The following POTED variants were observed in gnomAD, a reference collection of about 807,000 sequenced individuals.
The protein encoded by POTED is POTE ankyrin domain family member D, also known as ANKRD26-like family B member 3.
POTED carries 7 observed loss-of-function variants against 19.0 expected under a neutral mutation model. The observed-to-expected ratio is 0.37, with a 90% CI of 0.21 to 0.69. POTED has a LOEUF of 0.69. Ranked by LOEUF, POTED falls within the 30% of genes least tolerant of loss-of-function variation. The probability of loss-of-function intolerance (pLI) is 0.56; values close to 1 mark genes in which losing one functional copy is unlikely to be tolerated. For synonymous variants in POTED, 16 were observed against 92.0 expected, an observed-to-expected ratio of 0.17 and a Z score of 4.73; for missense variants, 54 against 278.5, an observed-to-expected ratio of 0.19 and a Z score of 5.74.
rs1360902744 is a variant in POTED at position 13,636,735 on chromosome 21, G to A, written c.1410-2780G>A. Among the ~76,000 whole-genome samples, 32 of 68,742 alleles carry A rather than the reference G, an allele frequency of 4.7e-4. 10 individuals are homozygous for A. In the South Asian group the frequency reaches 0.014, roughly 29 times the overall value. The allele number at this position is 68,742 out of a possible 152,430, so 45.1% of individuals were successfully genotyped here. ...AAATTGTAATTCCCAGGTGTTGAGA[G>A]AAAGACCAGCTGGGAGGTATTGGAT... On this transcript the variant is annotated intron_variant, in intron 9 of 10. Coordinates refer to ENST00000299443, the MANE Select transcript of POTED (RefSeq NM_174981.6).
At chr21:13,639,831 A>T (rs2011258212) in intron 10 of POTED, among the ~76,000 whole-genome samples, 193 bp downstream of exon 10, 1 of 72,808 alleles carries the variant, frequency 1.4e-5, no homozygotes, top group Non-Finnish European at 2.4e-5. Flanking sequence ...ATATTTATAT[A>T]TGTACATATA....
In POTED at chr21:13,631,460, TCGAGA is replaced by T. The variant is rs1446891996; in HGVS notation, c.1409+354_1409+358del. ...ATCAGCCACATAATAAGCAAAATACTCGAGAGGTAGTTTTTTGGTCATCTCCCTCC... is the reference window on the plus strand; with the variant it reads ...ATCAGCCACATAATAAGCAAAATACTGGTAGTTTTTTGGTCATCTCCCTCC... On this transcript the variant is annotated intron_variant, in intron 9 of 10. Transcript: ENST00000299443. 3.8e-5 allele frequency among the ~76,000 whole-genome samples: 3 copies of T among 78,690 alleles called. 1 individual carries two copies. The highest frequency in any genetic ancestry group is 6.7e-5 in the Non-Finnish European group (3 of 45,066). 51.6% of individuals were successfully genotyped at this position (78,690 alleles called of 152,430 possible). A position where few individuals can be genotyped will look rare whatever the true frequency, so the allele number is the denominator to read the frequency against.
At chr21:13,617,794 TTATC>T (rs892944025) in intron 3 of POTED, among the ~76,000 whole-genome samples, 1 of 17,250 alleles carries the variant, frequency 5.8e-5, no homozygotes, top group Non-Finnish European at 9.1e-5. Flanking sequence ...TATGAACTGA[TTATC>T]TATCTAGTTA....
chr21:13,645,328 T>TA lies in POTED; in HGVS notation c.*3765dup, dbSNP rs1226643873. ...GAGGTCAAAATAAAAGAAAAAATGT[T>TA]AAAGGCAGCTAGGGAGAAAGGCAAC... On this transcript the variant is annotated 3_prime_UTR_variant, in exon 11 of 11. Transcript: ENST00000299443. 7.6e-6 allele frequency among the ~76,000 whole-genome samples: 1 copy of TA among 132,400 alleles called. No homozygotes were observed. The highest frequency in any genetic ancestry group is 1.6e-5 in the Non-Finnish European group (1 of 61,430). The allele number at this position is 132,400 out of a possible 152,430, so 86.9% of individuals were successfully genotyped here. A position where few individuals can be genotyped will look rare whatever the true frequency, so the allele number is the denominator to read the frequency against.
intron 1 of POTED, among the ~76,000 whole-genome samples, chr21:13,614,184 A>C (rs1338374961): frequency 9.3e-6 from 1 of 107,676 alleles, no homozygotes; most frequent in Non-Finnish European, 1.9e-5. Flanking sequence ...TCTGATGTAC[A>C]TACATTGTAT....
chr21:13,640,688 T>TA (rs2011266009), intron 10 of POTED, among the ~76,000 whole-genome samples: 1 of 43,874 alleles, frequency 2.3e-5, no homozygotes, highest in African/African-American at 2.3e-4. Context: ...GTGCTGGGAT[T>TA]ACAGGTGTGA....
At position 13,643,299 on chromosome 21, in the gene POTED, C is replaced by T. The variant is rs4555432; in HGVS notation, c.*1733C>T. Reference sequence around the variant, plus strand: ...GCAGCAAGTCAGCTGATGTGGAGCCCGGAGGGCAGGGACAGCTATGTCTCT... The same window carrying T: ...GCAGCAAGTCAGCTGATGTGGAGCCTGGAGGGCAGGGACAGCTATGTCTCT... On this transcript the variant is annotated 3_prime_UTR_variant, in exon 11 of 11. Transcript: ENST00000299443. Among the ~76,000 whole-genome samples, 1 of 45,764 alleles carries T rather than the reference C, an allele frequency of 2.2e-5. No individual in the cohort carries two copies. Among genetic ancestry groups the T allele is most frequent in the East Asian group, 1.6e-3 (1 of 616 alleles). 30.0% of individuals were successfully genotyped at this position (45,764 alleles called of 152,430 possible).
chr21:13,637,741 C>T lies in POTED; in HGVS notation c.1410-1774C>T, dbSNP rs550446089. Among the ~76,000 whole-genome samples, 3 of 74,916 alleles carry T rather than the reference C, an allele frequency of 4.0e-5. 1 individual carries two copies. Among genetic ancestry groups the T allele is most frequent in the Admixed American group, 3.5e-4 (3 of 8,684 alleles). 49.1% of individuals were successfully genotyped at this position (74,916 alleles called of 152,430 possible). ...ATGTCTTCAGGTCTTAGGTTTAGGC[C>T]ATTAATCCATCTTGAATTAATTTTT... is the stretch of plus-strand genomic sequence containing the variant. On this transcript the variant is annotated intron_variant, in intron 9 of 10. Coordinates refer to ENST00000299443, the MANE Select transcript of POTED (RefSeq NM_174981.6).
rs372760414 is a variant in POTED, at chr21:13,645,391, C to T, written c.*3825C>T. On this transcript the variant is annotated 3_prime_UTR_variant, in exon 11 of 11. Coordinates refer to ENST00000299443, the MANE Select transcript of POTED (RefSeq NM_174981.6). ...GGGAATTCCATCAGATTTAGCAGACCTCTCAACTGAAACTGTACAAGCCAG... is the reference window on the plus strand; with the variant it reads ...GGGAATTCCATCAGATTTAGCAGACTTCTCAACTGAAACTGTACAAGCCAG... 0.013 allele frequency among the ~76,000 whole-genome samples: 1,739 copies of T among 130,676 alleles called. 221 individuals carry two copies. Among genetic ancestry groups the T allele is most frequent in the African/African-American group, 0.051 (1,623 of 31,530 alleles). 85.7% of individuals were successfully genotyped at this position (130,676 alleles called of 152,430 possible).
At chr21:13,636,983 C>A (rs2011238189) in intron 9 of POTED, among the ~76,000 whole-genome samples, 1 of 15,738 alleles carries the variant, frequency 6.4e-5, no homozygotes, top group Non-Finnish European at 1.0e-4. Context: ...ATGAATTACC[C>A]AGTCTCAGGT....
intron 9 of POTED, among the ~76,000 whole-genome samples, chr21:13,637,004 A>ATATATAT (rs1481200854): frequency 6.1e-5 from 1 of 16,470 alleles, no homozygotes; most frequent in Non-Finnish European, 9.7e-5. Flanking sequence ...ATATATATAT[A>ATATATAT]TTTTTTTTTT....
intron 1 of POTED, among the ~76,000 whole-genome samples, chr21:13,611,160 G>T (rs866015127): frequency 3.8e-5 from 3 of 78,704 alleles, no homozygotes; most frequent in South Asian, 3.6e-4. Context: ...ATTTTATATC[G>T]ATGTACCCCT....
chr21:13,610,607 G>A lies in POTED; in HGVS notation c.379G>A (p.Ala127Thr), dbSNP rs762265878. 3.5e-5 allele frequency: 38 copies of A among 1,076,524 alleles called. 13 individuals carry two copies. The highest frequency in any genetic ancestry group is 1.0e-4 in the African/African-American group (2 of 19,730). 66.7% of individuals were successfully genotyped at this position (1,076,524 alleles called of 1,614,324 possible). ...VGAWGDYDHS[A>T]FMEPRYHIRR... ...CGCTTGGGGAGACTACGACCACAGC[G>A]CCTTCATGGAGCCGAGGTACCACAT... Residue 127 changes from alanine to threonine, a missense_variant, in exon 1 of 11, where the codon GCC becomes ACC. Physicochemically the swap from Ala to Thr is moderately conservative, Grantham distance 58 (BLOSUM62 0). This residue lies in a region of POTED where 38 missense variants were observed against 163.8 expected (regional missense o/e 0.23). Coordinates refer to ENST00000299443, the MANE Select transcript of POTED (RefSeq NM_174981.6).
At position 13,639,750 on chromosome 21, in the gene POTED, G is replaced by T. The variant is rs1601489028; in HGVS notation, c.1533+112G>T. ...ATCACATATATACACACGTGTGTGTGTGTGTATATATATGTGTGTGTGTAT... is the reference window on the plus strand; with the variant it reads ...ATCACATATATACACACGTGTGTGTTTGTGTATATATATGTGTGTGTGTAT... On this transcript the variant is annotated intron_variant, in intron 10 of 10. Coordinates refer to ENST00000299443, the MANE Select transcript of POTED (RefSeq NM_174981.6). The T allele has an allele frequency of 6.9e-6, 4 of 583,732 alleles. 1 individual carries two copies. In the East Asian group the frequency reaches 3.2e-4, roughly 46 times the overall value. The allele number at this position is 583,732 out of a possible 1,614,324, so 36.2% of individuals were successfully genotyped here. A position where few individuals can be genotyped will look rare whatever the true frequency, so the allele number is the denominator to read the frequency against.
Position 13,623,975 on chromosome 21 carries a change from G to A in POTED, c.1126+1100G>A, listed in dbSNP as rs1332184097. Among the ~76,000 whole-genome samples, 2 of 105,576 alleles carry A rather than the reference G, an allele frequency of 1.9e-5. 1 individual carries two copies. Among genetic ancestry groups the A allele is most frequent in the Admixed American group, 1.8e-4 (2 of 11,088 alleles). The allele number at this position is 105,576 out of a possible 152,430, so 69.3% of individuals were successfully genotyped here. A position where few individuals can be genotyped will look rare whatever the true frequency, so the allele number is the denominator to read the frequency against. On this transcript the variant is annotated intron_variant, in intron 6 of 10. Transcript: ENST00000299443. Reference sequence around the variant, plus strand: ...AGAGCTGTCTCTATTTCATTTCTGTGCTTTTTCAACAGAATTTACAAAGAA... The same window carrying A: ...AGAGCTGTCTCTATTTCATTTCTGTACTTTTTCAACAGAATTTACAAAGAA...
At chr21:13,611,351 T>C (rs2011140995) in intron 1 of POTED, among the ~76,000 whole-genome samples, 1 of 80,860 alleles carries the variant, frequency 1.2e-5, no homozygotes, top group Non-Finnish European at 2.2e-5. Flanking sequence ...ACATGATGTA[T>C]TTTATCATTG....
At chr21:13,629,573 G>T (rs1331276105) in intron 7 of POTED, among the ~76,000 whole-genome samples, 2 of 49,714 alleles carry the variant, frequency 4.0e-5, no homozygotes, top group Non-Finnish European at 7.0e-5. Context: ...TAAGTTTGCT[G>T]GTTCATGTTT....
At position 13,610,855 on chromosome 21, in the gene POTED, C is replaced by T. The variant is rs1388995911; in HGVS notation, c.521+106C>T. The T allele has an allele frequency of 9.2e-6, 8 of 867,110 alleles. 3 individuals are homozygous for T. Among genetic ancestry groups the T allele is most frequent in the Non-Finnish European group, 1.2e-5 (8 of 664,434 alleles). 53.7% of individuals were successfully genotyped at this position (867,110 alleles called of 1,614,324 possible). On this transcript the variant is annotated intron_variant, in intron 1 of 10. Coordinates refer to ENST00000299443, the MANE Select transcript of POTED (RefSeq NM_174981.6). ...CAGGCTTTCTCTTCCTCCGCAGGCC[C>T]CACACCACCCTGGGTGTGGAAACCT...
chr21:13,626,170 AT>A (rs2011185007), intron 6 of POTED, among the ~76,000 whole-genome samples: 1 of 57,152 alleles, frequency 1.7e-5, no homozygotes, highest in Non-Finnish European at 2.9e-5. Context: ...GAGTACTAGG[AT>A]TATACTTAGA....
Sources: gnomAD v4.1 joint callset for allele counts (sites outside exome capture counted in the v4.1 genomes callset) on GRCh38, gnomAD v4.1.1 for gene constraint, gnomAD v4.1.1 regional missense constraint, MANE v1.5 for transcripts, NCBI Gene and HGNC (gene_info 2026-07-23, HGNC 2026-07-21) for gene names.